CCM2: variants seen among roughly 807,000 people sequenced by gnomAD.
The protein encoded by CCM2 is CCM2 scaffold protein.
In CCM2, 25 loss-of-function variants were observed where a neutral mutation model predicts 44.9. The ratio of observed to expected loss-of-function variants is 0.56; its 90% CI spans 0.41 to 0.78. The LOEUF is 0.78. Among genes scored for constraint, CCM2 ranks in the 30% least tolerant of loss-of-function variants. The pLI is 0.00. For synonymous variants in CCM2, 219 were observed against 241.1 expected (o/e 0.91, Z 0.85); for missense variants, 481 against 580.6 (o/e 0.83, Z 1.76).
chr7:45,068,366 C>CGGA, intron 4 of CCM2, 77 bp from the exon 5 acceptor site: 5 of 1,586,158 alleles, frequency 3.2e-6, no homozygotes, highest in Non-Finnish European at 4.3e-6. Context: ...GTTTCCATGG[C>CGGA]GGCCTCAGCT....
At chr7:45,046,662 C>T (rs1156635943) in intron 2 of CCM2, among the ~76,000 whole-genome samples, 1 of 152,188 alleles carries the variant, frequency 6.6e-6, no homozygotes, top group East Asian at 1.9e-4. Context: ...AGAAAATCTT[C>T]AGGATGCAGG....
chr7:45,011,936 G>T (rs1370844002), intron 1 of CCM2, among the ~76,000 whole-genome samples: 1 of 152,028 alleles, frequency 6.6e-6, no homozygotes, highest in African/African-American at 2.4e-5. Flanking sequence ...CTGGCCTAAA[G>T]CCACCTTGGC....
Position 45,068,538 on chromosome 7 carries a change from G to A in CCM2, c.568G>A (p.Val190Met), listed in dbSNP as rs200358025. 5.3e-5 allele frequency: 86 copies of A among 1,614,140 alleles called. No individual in the cohort carries two copies. The East Asian group carries it at 1.2e-3, about 23-fold the overall frequency. Residue 190 changes from valine (V) to methionine (M), a missense_variant, in exon 5 of 10, where the codon GTG becomes ATG. Physicochemically the swap from Val to Met is conservative, Grantham distance 21. Coordinates refer to ENST00000258781, the MANE Select transcript of CCM2 (RefSeq NM_031443.4). ...CCTGTCGGAGAGTGCAGTTGGGCCCGTGGAGGCATGCTGCCTGGTCATCCT... is the reference window on the plus strand; with the variant it reads ...CCTGTCGGAGAGTGCAGTTGGGCCCATGGAGGCATGCTGCCTGGTCATCCT... ...GSLSESAVGPVEACCLVILAA... is the reference protein window; with the variant it reads ...GSLSESAVGPMEACCLVILAA...
chr7:45,052,861 G>A (rs1376717245), intron 2 of CCM2, among the ~76,000 whole-genome samples: 1 of 152,214 alleles, frequency 6.6e-6, no homozygotes, highest in Non-Finnish European at 1.5e-5. Context: ...ACTATGGCCA[G>A]GGGTCAGGGG....
chr7:45,002,998 A>G (rs773975164), intron 1 of CCM2, among the ~76,000 whole-genome samples: 18 of 152,184 alleles, frequency 1.2e-4, no homozygotes, highest in Non-Finnish European at 1.8e-4. Context: ...TTTTTAGCCT[A>G]CAAGTTCTGT....
At chr7:45,003,400 A>C (rs966704105) in intron 1 of CCM2, among the ~76,000 whole-genome samples, 21 of 152,136 alleles carry the variant, frequency 1.4e-4, no homozygotes, top group African/African-American at 2.9e-4. Context: ...ACTTGGATGC[A>C]CTTAAGTTGG....
chr7:45,053,297 C>T lies in CCM2; in HGVS notation c.205-10621C>T, dbSNP rs182720081. Among the ~76,000 whole-genome samples the T allele has an allele frequency of 1.2e-3, 183 of 152,338 alleles. 1 individual carries two copies. Among genetic ancestry groups the T allele is most frequent in the African/African-American group, 4.2e-3 (173 of 41,564 alleles). ...CCTTGGTGTTGCAGGTCGACTCCCA[C>T]GCAGGCTTGGTCTCTCCTTCAGTCA... On this transcript the variant is annotated intron_variant, in intron 2 of 9. Transcript: ENST00000258781.
intron 2 of CCM2, among the ~76,000 whole-genome samples, chr7:45,038,641 G>A (rs962453824): frequency 5.3e-5 from 8 of 152,178 alleles, no homozygotes; most frequent in African/African-American, 1.9e-4. Context: ...TTTTTCTGTA[G>A]TAGCAATGCC....
chr7:45,043,711 C>T (rs1208029443), intron 2 of CCM2: 4 of 400,740 alleles, frequency 1.0e-5, no homozygotes, highest in Non-Finnish European at 1.9e-5. Flanking sequence ...TTCTAGGGCT[C>T]CCATTAATCA....
rs565203999 is a variant in CCM2 at position 45,019,844 on chromosome 7, G to A, written c.31-18409G>A. Reference sequence around the variant, plus strand: ...CCTGCCTTGGCCGCCCAAAGTGCTGGGATTATAGGCATGAGCTCCCGCACC... The same window carrying A: ...CCTGCCTTGGCCGCCCAAAGTGCTGAGATTATAGGCATGAGCTCCCGCACC... On this transcript the variant is annotated intron_variant, in intron 1 of 9. Coordinates refer to ENST00000258781, the MANE Select transcript of CCM2 (RefSeq NM_031443.4). Among the ~76,000 whole-genome samples, 542 of 152,216 alleles carry A rather than the reference G, an allele frequency of 3.6e-3. 4 individuals carry two copies. The highest frequency in any genetic ancestry group is 0.012 in the African/African-American group (513 of 41,540).
In CCM2 at chr7:45,075,937, C is replaced by T. The variant is rs1477595150; in HGVS notation, c.1215C>T (p.Ala405=). The change falls in exon 10 of 10, where the codon GCC becomes GCT. Residue 405 remains alanine (A), a synonymous_variant. Coordinates refer to ENST00000258781, the MANE Select transcript of CCM2 (RefSeq NM_031443.4). The stretch of plus-strand genomic sequence containing the variant: ...GTTCCACCACCAATGGGAACAGGGC[C>T]ACGGGCAGCTCTGATGACCGGTCGG... ...TSSSTTNGNR[A]TGSSDDRSAP... 1 of 1,613,222 alleles carries T rather than the reference C, an allele frequency of 6.2e-7. No homozygotes were observed. The highest frequency in any genetic ancestry group is 1.7e-5 in the Admixed American group (1 of 60,022).
intron 1 of CCM2, among the ~76,000 whole-genome samples, chr7:45,011,795 GC>G (rs1562858683): frequency 6.6e-6 from 1 of 152,112 alleles, no homozygotes; most frequent in East Asian, 1.9e-4. Flanking sequence ...CAAGTGATCT[GC>G]CTGCCTTGGC....
chr7:45,041,370 T>C (rs1287900827), intron 2 of CCM2, among the ~76,000 whole-genome samples: 6 of 152,188 alleles, frequency 3.9e-5, no homozygotes. Flanking sequence ...TCTAAAATCC[T>C]TGGACACTAT....
chr7:45,043,899 G>A (rs1165850940), intron 2 of CCM2, among the ~76,000 whole-genome samples: 1 of 151,992 alleles, frequency 6.6e-6, no homozygotes, highest in African/African-American at 2.4e-5. Context: ...ATATCTGATT[G>A]GTCCTTTTTT....
chr7:45,048,623 T>C (rs1339283839), intron 2 of CCM2, among the ~76,000 whole-genome samples: 1 of 151,944 alleles, frequency 6.6e-6, no homozygotes, highest in Admixed American at 6.6e-5. Flanking sequence ...ATTAGCTGGA[T>C]GTGGTGGTGT....
chr7:45,059,367 G>T, intron 2 of CCM2, among the ~76,000 whole-genome samples: 1 of 150,848 alleles, frequency 6.6e-6, no homozygotes, highest in Admixed American at 6.6e-5. Context: ...AGGATCACTT[G>T]AGCCTAGGAG....
intron 2 of CCM2, among the ~76,000 whole-genome samples, chr7:45,042,027 G>A (rs1356839095): frequency 1.3e-5 from 2 of 152,154 alleles, no homozygotes; most frequent in African/African-American, 4.8e-5. Context: ...TGTAATCCCA[G>A]TACTTTGGGA....
In CCM2 at chr7:45,069,882, G is replaced by A; in HGVS notation, c.666G>A (p.Thr222=). 5.6e-6 allele frequency: 9 copies of A among 1,614,184 alleles called. No individual in the cohort carries two copies. Among genetic ancestry groups the A allele is most frequent in the South Asian group, 1.1e-5 (1 of 91,088 alleles). ...LLGQVFQVVY[T]ESTIDFLDRA... ...GCCAGGTCTTCCAGGTTGTTTACAC[G>A]GAGTCCACCATCGACTTTCTGGACA... Residue 222 remains threonine (T), a synonymous_variant, in exon 6 of 10, where the codon ACG becomes ACA. Coordinates refer to ENST00000258781, the MANE Select transcript of CCM2 (RefSeq NM_031443.4).
chr7:45,062,841 AAT>A (rs1798588255), intron 2 of CCM2, among the ~76,000 whole-genome samples: 1 of 151,396 alleles, frequency 6.6e-6, no homozygotes, highest in Admixed American at 6.6e-5. Flanking sequence ...AAAAAAAAAA[AAT>A]CGTATCGTTC....
Sources: allele counts gnomAD v4.1 joint callset (sites outside exome capture counted in the v4.1 genomes callset), GRCh38; gene constraint gnomAD v4.1.1; transcripts MANE v1.5; gene names NCBI Gene and HGNC (gene_info 2026-07-23, HGNC 2026-07-21).